Variants in KCNIP4 observed in about 807,000 individuals in gnomAD.
KCNIP4 encodes potassium voltage-gated channel interacting protein 4.
KCNIP4 carries 12 observed loss-of-function variants against 34.0 expected under a neutral mutation model. The observed-to-expected ratio is 0.35, with a 90% CI of 0.23 to 0.57. The LOEUF is 0.57. KCNIP4 is among the 20% of genes least tolerant of loss of function. The pLI is 0.83. For synonymous variants in KCNIP4, 124 were observed against 102.2 expected (o/e 1.21, Z -1.29); for missense variants, 238 against 311.7 (o/e 0.76, Z 1.78).
At chr4:21,151,904 T>C (rs555604363) in intron 1 of KCNIP4, among the ~76,000 whole-genome samples, 1 of 152,274 alleles carries the variant, frequency 6.6e-6, no homozygotes, top group African/African-American at 2.4e-5. Context: ...TTCTGTTAGA[T>C]CAGTTCCAAC....
chr4:21,346,066 T>C (rs1038766668), intron 1 of KCNIP4, among the ~76,000 whole-genome samples: 2 of 132,490 alleles, frequency 1.5e-5, no homozygotes, highest in Non-Finnish European at 3.1e-5. Flanking sequence ...ACTCGGGCAG[T>C]GTAATATATA....
chr4:20,766,048 CAAT>C (rs761033066), intron 3 of KCNIP4, among the ~76,000 whole-genome samples: 11 of 152,012 alleles, frequency 7.2e-5, no homozygotes, highest in Non-Finnish European at 1.0e-4. Context: ...GTGATGATGA[CAAT>C]GATGATACTG....
intron 1 of KCNIP4, among the ~76,000 whole-genome samples, chr4:20,943,287 C>T (rs1284913867): frequency 1.3e-5 from 2 of 152,186 alleles, no homozygotes; most frequent in Non-Finnish European, 2.9e-5. Flanking sequence ...GCATCAGCTA[C>T]AAATGCTCTT....
At chr4:21,210,855 A>G (rs1757174300) in intron 1 of KCNIP4, among the ~76,000 whole-genome samples, 1 of 152,232 alleles carries the variant, frequency 6.6e-6, no homozygotes, top group African/African-American at 2.4e-5. Context: ...AGAAACCACC[A>G]TATGTAAAAT....
intron 3 of KCNIP4, among the ~76,000 whole-genome samples, chr4:20,767,618 T>C (rs1755528527): frequency 6.6e-6 from 1 of 152,206 alleles, no homozygotes; most frequent in Admixed American, 6.5e-5. Context: ...ATAGCTGCAG[T>C]GGTATGCAAA....
chr4:21,138,199 G>A (rs892549714), intron 1 of KCNIP4, among the ~76,000 whole-genome samples: 15 of 152,016 alleles, frequency 9.9e-5, no homozygotes, highest in Non-Finnish European at 2.2e-4. Flanking sequence ...CTGCCACCTG[G>A]AATTCTTTTT....
intron 1 of KCNIP4, among the ~76,000 whole-genome samples, chr4:21,618,549 C>G (rs1446104582): frequency 6.7e-6 from 1 of 148,500 alleles, no homozygotes; most frequent in Admixed American, 6.7e-5. Context: ...TTCTCCTTCT[C>G]TCTTTTTCTG....
intron 1 of KCNIP4, among the ~76,000 whole-genome samples, chr4:21,398,188 C>T (rs186350342): frequency 6.6e-6 from 1 of 152,190 alleles, no homozygotes; most frequent in Non-Finnish European, 1.5e-5. Flanking sequence ...ATGATGAAAA[C>T]TGCCTTTGAA....
At chr4:21,342,494 A>T (rs978689566) in intron 1 of KCNIP4, among the ~76,000 whole-genome samples, 2 of 152,114 alleles carry the variant, frequency 1.3e-5, no homozygotes, top group Admixed American at 6.6e-5. Context: ...ATGCCCAAGG[A>T]CACACAGCTA....
chr4:20,994,317 C>G (rs1383722396), intron 1 of KCNIP4, among the ~76,000 whole-genome samples: 1 of 152,108 alleles, frequency 6.6e-6, no homozygotes, highest in Non-Finnish European at 1.5e-5. Flanking sequence ...CTCACGAAGA[C>G]AGAGTCCACT....
chr4:21,528,025 G>A (rs950512520), intron 1 of KCNIP4, among the ~76,000 whole-genome samples: 1 of 152,004 alleles, frequency 6.6e-6, no homozygotes, highest in Non-Finnish European at 1.5e-5. Flanking sequence ...CCACGGGGTC[G>A]GTCCTAATCA....
intron 1 of KCNIP4, among the ~76,000 whole-genome samples, chr4:21,777,551 C>G (rs1719265261): frequency 6.6e-6 from 1 of 152,134 alleles, no homozygotes. Context: ...TGGTGAATAA[C>G]TTACATTACC....
chr4:21,418,462 A>C (rs770438392), intron 1 of KCNIP4, among the ~76,000 whole-genome samples: 5 of 152,006 alleles, frequency 3.3e-5, no homozygotes, highest in Non-Finnish European at 5.9e-5. Context: ...GTGCCATTGC[A>C]CTCCAGCCTG....
intron 1 of KCNIP4, among the ~76,000 whole-genome samples, chr4:21,354,391 A>G (rs1289218982): frequency 6.6e-6 from 1 of 152,324 alleles, no homozygotes; most frequent in African/African-American, 2.4e-5. Flanking sequence ...AGTGTGCTGT[A>G]TTCAGGAGAC....
rs1447632200 is a variant in KCNIP4, at chr4:20,729,010, A to C, written c.*1072T>G. 1.3e-5 allele frequency: 2 copies of C among 152,314 alleles called. No homozygotes were observed. Among genetic ancestry groups the C allele is most frequent in the Non-Finnish European group, 2.9e-5 (2 of 68,030 alleles). 9.4% of individuals were successfully genotyped at this position (152,314 alleles called of 1,614,324 possible). On this transcript the variant is annotated 3_prime_UTR_variant, in exon 9 of 9. Coordinates refer to ENST00000382152, the MANE Select transcript of KCNIP4 (RefSeq NM_025221.6). ...TTATTTTCTACTAAATCTTGGTAGT[A>C]GTTGTCAATGTAATGGAACCACTGG...
chr4:20,865,520 TA>T (rs1042202174), intron 2 of KCNIP4, among the ~76,000 whole-genome samples: 1 of 152,024 alleles, frequency 6.6e-6, no homozygotes, highest in Non-Finnish European at 1.5e-5. Context: ...AATGGAATAC[TA>T]TTCAACATTA....
At chr4:21,851,976 A>T (rs1724432280) in intron 1 of KCNIP4, 2 of 147,930 alleles carry the variant, frequency 1.4e-5, no homozygotes, top group South Asian at 4.4e-4. Context: ...GACATAAAAA[A>T]CCTCTACAAT....
intron 1 of KCNIP4, among the ~76,000 whole-genome samples, chr4:20,995,464 A>G (rs1380109385): frequency 3.3e-5 from 5 of 152,180 alleles, no homozygotes; most frequent in African/African-American, 9.7e-5. Context: ...TGCCCATTTG[A>G]CCAATAAACT....
chr4:21,299,752 T>A (rs988487155), intron 1 of KCNIP4, among the ~76,000 whole-genome samples: 2 of 152,174 alleles, frequency 1.3e-5, no homozygotes, highest in Non-Finnish European at 2.9e-5. Flanking sequence ...CCATCAGTGA[T>A]GTTTTTGAAT....
Sources: allele counts gnomAD v4.1 joint callset (sites outside exome capture counted in the v4.1 genomes callset), GRCh38; gene constraint gnomAD v4.1.1; transcripts MANE v1.5; gene names NCBI Gene and HGNC (gene_info 2026-07-23, HGNC 2026-07-21).